The following DPY19L1 variants were observed in gnomAD, a reference collection of about 807,000 sequenced individuals.
The protein encoded by DPY19L1 is dpy-19 like C-mannosyltransferase 1.
In DPY19L1, 35 loss-of-function variants were observed where a neutral mutation model predicts 96.9. The ratio of observed to expected loss-of-function variants is 0.36; its 90% confidence interval spans 0.28 to 0.48. DPY19L1 has a LOEUF of 0.48. Ranked by LOEUF, DPY19L1 falls within the 20% of genes least tolerant of loss-of-function variation. DPY19L1 has a pLI of 0.99. For missense variants in DPY19L1, 521 were observed against 777.9 expected (o/e 0.67, Z 3.93); for synonymous variants, 205 against 252.6 (o/e 0.81, Z 1.79).
intron 7 of DPY19L1, among the ~76,000 whole-genome samples, chr7:34,983,251 T>C (rs938265897): frequency 6.6e-6 from 1 of 152,014 alleles, no homozygotes; most frequent in African/African-American, 2.4e-5. Flanking sequence ...AATAAAAAGC[T>C]ATGAGACATG....
At chr7:34,932,716 T>C (rs1222159620) in intron 21 of DPY19L1, among the ~76,000 whole-genome samples, 5 of 152,208 alleles carry the variant, frequency 3.3e-5, no homozygotes, top group African/African-American at 1.2e-4. Flanking sequence ...AAAATAACAG[T>C]ACCATTTATC....
intron 15 of DPY19L1, among the ~76,000 whole-genome samples, chr7:34,946,376 C>G (rs1197478707): frequency 6.6e-6 from 1 of 152,194 alleles, no homozygotes; most frequent in Non-Finnish European, 1.5e-5. Context: ...TTCTAAGGAG[C>G]CAGATTGTGT....
At chr7:34,982,239 G>A (rs189623197) in intron 7 of DPY19L1, among the ~76,000 whole-genome samples, 8 of 152,272 alleles carry the variant, frequency 5.3e-5, no homozygotes, top group Non-Finnish European at 7.4e-5. Flanking sequence ...AGGTATTACT[G>A]TGTAATTATT....
At chr7:34,943,224 A>G (rs1020938108) in intron 16 of DPY19L1, among the ~76,000 whole-genome samples, 1 of 152,248 alleles carries the variant, frequency 6.6e-6, no homozygotes, top group African/African-American at 2.4e-5. Flanking sequence ...CCTCAAAAAG[A>G]CTGATATATT....
intron 15 of DPY19L1, among the ~76,000 whole-genome samples, chr7:34,947,188 A>G (rs1171325883): frequency 6.6e-6 from 1 of 152,228 alleles, no homozygotes; most frequent in African/African-American, 2.4e-5. Context: ...CATTTTATCT[A>G]GTTCATCAAC....
rs187161675 is a variant in DPY19L1 at position 34,964,292 on chromosome 7, A to G, written c.1092+2602T>C. Among the ~76,000 whole-genome samples the G allele has an allele frequency of 6.2e-3, 943 of 152,288 alleles. 7 individuals are homozygous for G. The highest frequency in any genetic ancestry group is 0.021 in the African/African-American group (882 of 41,578). On this transcript the variant is annotated intron_variant, in intron 10 of 21. Coordinates refer to ENST00000638088, the MANE Select transcript of DPY19L1 (RefSeq NM_001366673.1). ...GCTGCAAACTACATTGTGTAATTTTATAATTTTATAACTATAACTTTGAGT... is the reference window on the plus strand; with the variant it reads ...GCTGCAAACTACATTGTGTAATTTTGTAATTTTATAACTATAACTTTGAGT...
At chr7:35,004,024 C>T (rs1584249819) in intron 6 of DPY19L1, among the ~76,000 whole-genome samples, 1 of 152,340 alleles carries the variant, frequency 6.6e-6, no homozygotes, top group Admixed American at 6.5e-5. Context: ...GCTCCTAGCC[C>T]TTCTCCTTTG....
chr7:34,942,805 T>C (rs1161357683), intron 16 of DPY19L1, among the ~76,000 whole-genome samples, 166 bp from the exon 17 acceptor site: 6 of 152,232 alleles, frequency 3.9e-5, no homozygotes, highest in African/African-American at 1.4e-4. Flanking sequence ...AAACTGGTGC[T>C]ATACTATTTT....
chr7:34,999,103 G>C (rs961261814), intron 6 of DPY19L1, among the ~76,000 whole-genome samples: 15 of 152,332 alleles, frequency 9.8e-5, no homozygotes, highest in African/African-American at 2.9e-4. Flanking sequence ...AGTGAAGAAA[G>C]TAAGTGCCCA....
At chr7:34,940,736 A>T (rs1422075735) in intron 18 of DPY19L1, 1 of 169,244 alleles carries the variant, frequency 5.9e-6, no homozygotes, top group African/African-American at 2.4e-5. Context: ...CACTTGGAAA[A>T]CCTGCCCTGG....
intron 1 of DPY19L1, among the ~76,000 whole-genome samples, chr7:35,030,962 G>A (rs1398434974): frequency 6.6e-6 from 1 of 152,098 alleles, no homozygotes; most frequent in African/African-American, 2.4e-5. Context: ...AGTTCTAACA[G>A]TAACTAAATA....
intron 6 of DPY19L1, among the ~76,000 whole-genome samples, chr7:35,001,129 G>GTAAAGTAAACTGT (rs1268094315): frequency 6.6e-6 from 1 of 152,150 alleles, no homozygotes; most frequent in East Asian, 1.9e-4. Flanking sequence ...ATGAGTTTCT[G>GTAAAGTAAACTGT]ATAGTAAAGA....
chr7:34,991,576 T>A (rs1372311193), intron 6 of DPY19L1, among the ~76,000 whole-genome samples: 3 of 152,180 alleles, frequency 2.0e-5, no homozygotes, highest in Non-Finnish European at 4.4e-5. Context: ...ATTAGAAAGG[T>A]TAAGATAGAG....
At chr7:34,987,393 T>G (rs185709998) in intron 7 of DPY19L1, among the ~76,000 whole-genome samples, 37 of 152,234 alleles carry the variant, frequency 2.4e-4, no homozygotes, top group Admixed American at 2.4e-3. Context: ...ATAATTTATT[T>G]AATAATCTAT....
At chr7:35,006,805 G>A (rs371624670) in intron 6 of DPY19L1, among the ~76,000 whole-genome samples, 3 of 152,162 alleles carry the variant, frequency 2.0e-5, no homozygotes, top group Non-Finnish European at 4.4e-5. Context: ...CATTTCTGGC[G>A]AAATGGACTG....
chr7:34,947,209 T>A (rs1784166940), intron 15 of DPY19L1, among the ~76,000 whole-genome samples: 1 of 152,216 alleles, frequency 6.6e-6, no homozygotes. Flanking sequence ...ACATTGCAAA[T>A]ACTCTGTTTT....
At chr7:34,934,115 C>A (rs12533229) in intron 21 of DPY19L1, among the ~76,000 whole-genome samples, 26,935 of 151,946 alleles carry the variant, frequency 0.18, 2,816 homozygotes, top group Admixed American at 0.34. Context: ...AGGTGCCCAC[C>A]ACCACGCCCA....
chr7:34,932,881 A>T (rs1181577129), intron 21 of DPY19L1, among the ~76,000 whole-genome samples: 1 of 152,126 alleles, frequency 6.6e-6, no homozygotes, highest in Non-Finnish European at 1.5e-5. Context: ...TAAATAAGAG[A>T]AAAAAATTCC....
intron 3 of DPY19L1, among the ~76,000 whole-genome samples, chr7:35,017,134 T>C (rs144707957): frequency 1.3e-5 from 2 of 152,238 alleles, no homozygotes; most frequent in East Asian, 3.9e-4. Context: ...AACAAAGTCT[T>C]ATCTTTAGAG....
Sources: gnomAD v4.1 joint callset for allele counts (sites outside exome capture counted in the v4.1 genomes callset) on GRCh38, gnomAD v4.1.1 for gene constraint, MANE v1.5 for transcripts, NCBI Gene and HGNC (gene_info 2026-07-23, HGNC 2026-07-21) for gene names.